Variants in CACNA2D3 observed in about 807,000 individuals in gnomAD.
CACNA2D3 encodes the protein voltage-dependent calcium channel subunit alpha-2/delta-3.
In CACNA2D3, 60 loss-of-function variants were observed where a neutral mutation model predicts 160.6. The observed-to-expected ratio is 0.37, with a 90% CI of 0.30 to 0.46. CACNA2D3 has a LOEUF of 0.46. Among genes scored for constraint, CACNA2D3 ranks in the 20% least tolerant of loss-of-function variants. The pLI, the probability that CACNA2D3 is intolerant of heterozygous loss-of-function variation, is 1.00. For missense variants in CACNA2D3, 1,205 were observed against 1,365.0 expected (o/e 0.88, Z 1.85); for synonymous variants, 558 against 492.9 (o/e 1.13, Z -1.75).
chr3:54,775,450 A>G (rs1025436963), intron 13 of CACNA2D3, among the ~76,000 whole-genome samples: 1 of 152,174 alleles, frequency 6.6e-6, no homozygotes, highest in Non-Finnish European at 1.5e-5. Flanking sequence ...GCCACATCCC[A>G]GGGAGACTCT....
At chr3:54,160,499 C>CA (rs1281005321) in intron 2 of CACNA2D3, among the ~76,000 whole-genome samples, 4 of 151,656 alleles carry the variant, frequency 2.6e-5, no homozygotes, top group East Asian at 1.9e-4. Flanking sequence ...GACTCTGTCT[C>CA]AAAAAAAATA....
At chr3:54,378,909 G>T (rs1465073645) in intron 3 of CACNA2D3, among the ~76,000 whole-genome samples, 1 of 152,166 alleles carries the variant, frequency 6.6e-6, no homozygotes, top group Non-Finnish European at 1.5e-5. Flanking sequence ...TTGCAAATTG[G>T]CCATTCACAC....
intron 4 of CACNA2D3, among the ~76,000 whole-genome samples, chr3:54,494,613 T>C (rs895003419): frequency 6.6e-6 from 1 of 152,174 alleles, no homozygotes; most frequent in African/African-American, 2.4e-5. Flanking sequence ...GTAGATAATA[T>C]GTGAAGCGCT....
At chr3:54,313,617 C>T (rs1027757380) in intron 2 of CACNA2D3, among the ~76,000 whole-genome samples, 5 of 152,126 alleles carry the variant, frequency 3.3e-5, no homozygotes, top group African/African-American at 1.2e-4. Context: ...GTCATCCAAC[C>T]GTGGCCATCC....
intron 2 of CACNA2D3, among the ~76,000 whole-genome samples, chr3:54,314,940 A>ACCT (rs1205819767): frequency 1.3e-5 from 2 of 151,910 alleles, no homozygotes; most frequent in African/African-American, 4.8e-5. Flanking sequence ...GTTTAGAGGG[A>ACCT]CCTGGTAATA....
chr3:54,442,708 T>C (rs1040604155), intron 4 of CACNA2D3, among the ~76,000 whole-genome samples: 1 of 152,166 alleles, frequency 6.6e-6, no homozygotes, highest in Non-Finnish European at 1.5e-5. Context: ...AATTCAGTAG[T>C]TCCCTAAGTC....
At chr3:54,815,154 A>T (rs1703418988) in intron 13 of CACNA2D3, among the ~76,000 whole-genome samples, 1 of 152,046 alleles carries the variant, frequency 6.6e-6, no homozygotes. Flanking sequence ...GCACTGGAGG[A>T]GCTTATGAGC....
At chr3:54,370,133 G>T (rs1698899377) in intron 3 of CACNA2D3, among the ~76,000 whole-genome samples, 1 of 152,116 alleles carries the variant, frequency 6.6e-6, no homozygotes, top group Admixed American at 6.5e-5. Context: ...AAATGTTGTT[G>T]CAAATCTATG....
chr3:54,426,857 A>G (rs1178120818), intron 4 of CACNA2D3, among the ~76,000 whole-genome samples: 1 of 151,886 alleles, frequency 6.6e-6, no homozygotes, highest in Non-Finnish European at 1.5e-5. Context: ...TTATCCTTTG[A>G]TTTCTTTGCA....
chr3:54,862,456 G>A (rs1480216796), intron 17 of CACNA2D3, among the ~76,000 whole-genome samples: 1 of 152,094 alleles, frequency 6.6e-6, no homozygotes, highest in Non-Finnish European at 1.5e-5. Flanking sequence ...TTGGTTGTTG[G>A]TTGATGCTAT....
At chr3:54,237,008 C>CT (rs74553858) in intron 2 of CACNA2D3, among the ~76,000 whole-genome samples, 18,662 of 140,714 alleles carry the variant, frequency 0.13, 1,578 homozygotes, top group East Asian at 0.41. Flanking sequence ...CCTGAAACTT[C>CT]TTTTTTTTTT....
At chr3:54,880,758 G>T in intron 20 of CACNA2D3, 38 bp from the exon 21 acceptor site, 1 of 1,555,002 alleles carries the variant, frequency 6.4e-7, no homozygotes, top group Non-Finnish European at 8.9e-7. Context: ...TCGAGTCGAT[G>T]CCAGGGATTT....
intron 29 of CACNA2D3, 137 bp downstream of exon 29, chr3:54,969,981 A>C: frequency 7.1e-6 from 4 of 565,724 alleles, no homozygotes; most frequent in South Asian, 6.1e-5. Context: ...AAAAAAAATC[A>C]TTTGCTTTAT....
chr3:54,372,563 T>C (rs1055126087), intron 3 of CACNA2D3, among the ~76,000 whole-genome samples: 3 of 152,336 alleles, frequency 2.0e-5, no homozygotes, highest in Admixed American at 6.5e-5. Context: ...TAAAATGGGT[T>C]TAGTCCTTCT....
At chr3:54,239,630 C>A (rs747913951) in intron 2 of CACNA2D3, among the ~76,000 whole-genome samples, 13 of 152,216 alleles carry the variant, frequency 8.5e-5, no homozygotes, top group Non-Finnish European at 1.8e-4. Context: ...TGTAGTTCTA[C>A]TGGGTGCCAT....
chr3:54,906,137 T>G (rs1700443449), intron 27 of CACNA2D3, among the ~76,000 whole-genome samples: 1 of 151,968 alleles, frequency 6.6e-6, no homozygotes, highest in South Asian at 2.1e-4. Flanking sequence ...CATGGCCAAG[T>G]TGCTGCCAAT....
chr3:54,316,798 A>T (rs1404369878), intron 2 of CACNA2D3, among the ~76,000 whole-genome samples: 1 of 152,246 alleles, frequency 6.6e-6, no homozygotes, highest in East Asian at 1.9e-4. Flanking sequence ...CTTGGTGGAA[A>T]GTTAGAGTTC....
chr3:54,677,442 A>T (rs1026384122), intron 11 of CACNA2D3, among the ~76,000 whole-genome samples: 1 of 152,222 alleles, frequency 6.6e-6, no homozygotes, highest in African/African-American at 2.4e-5. Flanking sequence ...ACTCTTCAAT[A>T]AAAAGAACAG....
At chr3:54,130,083 T>C (rs1435483737) in intron 2 of CACNA2D3, among the ~76,000 whole-genome samples, 1 of 152,204 alleles carries the variant, frequency 6.6e-6, no homozygotes, top group Non-Finnish European at 1.5e-5. Flanking sequence ...TAATTTGTGG[T>C]CCTCAGTGCA....
Sources: allele counts gnomAD v4.1 joint callset (sites outside exome capture counted in the v4.1 genomes callset), GRCh38; gene constraint gnomAD v4.1.1; transcripts MANE v1.5; gene names NCBI Gene and HGNC (gene_info 2026-07-23, HGNC 2026-07-21).